Variants in NAALADL2 observed in about 807,000 individuals in gnomAD.
NAALADL2 encodes N-acetylated alpha-linked acidic dipeptidase like 2.
NAALADL2 carries 76 observed loss-of-function variants against 87.2 expected under a neutral mutation model. The observed-to-expected ratio is 0.87, with a 90% CI of 0.72 to 1.05. NAALADL2 has a LOEUF of 1.05. NAALADL2 is among the 50% of genes least tolerant of loss of function. The pLI is 0.00. For missense variants in NAALADL2, 1,089 were observed against 945.8 expected (o/e 1.15, Z -1.99); for synonymous variants, 354 against 331.0 (o/e 1.07, Z -0.75).
intron 1 of NAALADL2, among the ~76,000 whole-genome samples, chr3:174,538,417 A>T (rs769299066): frequency 3.3e-5 from 5 of 152,160 alleles, no homozygotes; most frequent in Non-Finnish European, 7.3e-5. Flanking sequence ...CGAGACTGAC[A>T]ATGCAGACTC....
intron 11 of NAALADL2, chr3:175,655,423 G>T: frequency 3.2e-6 from 1 of 315,080 alleles, no homozygotes; most frequent in South Asian, 2.5e-5. Context: ...TATTTAGCTG[G>T]AGTTTGCCAA....
rs567848618 is a variant in NAALADL2, at chr3:175,641,762, G to C, written c.1896+14376G>C. ...TCAGGCTAAAATTTTCCTACTTACAGCTATTTTGTAGATTATTAAAAATTA... is the reference window on the plus strand; with the variant it reads ...TCAGGCTAAAATTTTCCTACTTACACCTATTTTGTAGATTATTAAAAATTA... On this transcript the variant is annotated intron_variant, in intron 11 of 13. Coordinates refer to ENST00000454872, the MANE Select transcript of NAALADL2 (RefSeq NM_207015.3). 1.1e-4 allele frequency among the ~76,000 whole-genome samples: 17 copies of C among 152,146 alleles called. No homozygotes were observed. In the East Asian group the frequency reaches 1.9e-3, roughly 17 times the overall value.
intron 11 of NAALADL2, among the ~76,000 whole-genome samples, chr3:175,716,278 ATATT>A (rs1464306977): frequency 6.9e-6 from 1 of 144,698 alleles, no homozygotes; most frequent in Non-Finnish European, 1.5e-5. Flanking sequence ...TATATAATAT[ATATT>A]ATGTTATTAC....
chr3:175,279,136 T>G (rs1281072818), intron 4 of NAALADL2, among the ~76,000 whole-genome samples: 1 of 152,180 alleles, frequency 6.6e-6, no homozygotes, highest in African/African-American at 2.4e-5. Context: ...ATCACCAGAC[T>G]TACTCCCTAC....
chr3:174,880,193 A>G (rs1376607781), intron 1 of NAALADL2, among the ~76,000 whole-genome samples: 4 of 152,032 alleles, frequency 2.6e-5, no homozygotes, highest in African/African-American at 9.7e-5. Context: ...CCTATGGCCA[A>G]TTATGTACTC....
chr3:175,799,486 GAT>G (rs1234896268), intron 13 of NAALADL2, among the ~76,000 whole-genome samples: 1 of 151,910 alleles, frequency 6.6e-6, no homozygotes, highest in Non-Finnish European at 1.5e-5. Flanking sequence ...AAATATGTTT[GAT>G]ATGTATCCTG....
chr3:174,660,044 T>G (rs1000184607), intron 2 of NAALADL2, among the ~76,000 whole-genome samples: 2 of 152,218 alleles, frequency 1.3e-5, no homozygotes, highest in Non-Finnish European at 2.9e-5. Flanking sequence ...TAAACACTTT[T>G]ATTTTTAAAA....
intron 2 of NAALADL2, among the ~76,000 whole-genome samples, chr3:175,147,942 C>T (rs1224452683): frequency 6.6e-6 from 1 of 151,752 alleles, no homozygotes; most frequent in Non-Finnish European, 1.5e-5. Flanking sequence ...TAGTGATGGA[C>T]GCCTGTAATC....
chr3:174,901,245 A>G (rs759721242), intron 1 of NAALADL2, among the ~76,000 whole-genome samples: 1 of 152,188 alleles, frequency 6.6e-6, no homozygotes, highest in African/African-American at 2.4e-5. Context: ...CAAGGAATGT[A>G]GTTTTAGCTG....
At chr3:175,040,413 G>T (rs535072540) in intron 1 of NAALADL2, among the ~76,000 whole-genome samples, 1 of 152,172 alleles carries the variant, frequency 6.6e-6, no homozygotes, top group Non-Finnish European at 1.5e-5. Flanking sequence ...AAGAGGACTG[G>T]ACCTGCAATT....
intron 2 of NAALADL2, among the ~76,000 whole-genome samples, chr3:174,641,151 C>T (rs998570012): frequency 7.2e-5 from 11 of 152,120 alleles, no homozygotes; most frequent in Non-Finnish European, 1.5e-4. Flanking sequence ...AGAGCCGCCC[C>T]CTCCTGCTGC....
chr3:175,370,230 C>T (rs1766283181), intron 5 of NAALADL2, among the ~76,000 whole-genome samples: 1 of 151,980 alleles, frequency 6.6e-6, no homozygotes, highest in African/African-American at 2.4e-5. Flanking sequence ...GGTTGCTATC[C>T]AGGAGAGCAA....
intron 9 of NAALADL2, among the ~76,000 whole-genome samples, chr3:175,562,953 G>T (rs1373596842): frequency 6.7e-6 from 1 of 149,832 alleles, no homozygotes; most frequent in Non-Finnish European, 1.5e-5. Context: ...ATATAGGAGG[G>T]GTGTGTGTGT....
At chr3:175,468,403 T>G (rs7433056) in intron 8 of NAALADL2, among the ~76,000 whole-genome samples, 88,921 of 151,778 alleles carry the variant, frequency 0.59, 26,804 homozygotes, top group East Asian at 0.7. Flanking sequence ...TGAACCAACC[T>G]CTCAAACTCA....
chr3:175,537,814 A>G (rs931722888), intron 9 of NAALADL2, among the ~76,000 whole-genome samples: 2 of 152,216 alleles, frequency 1.3e-5, no homozygotes, highest in African/African-American at 4.8e-5. Context: ...TTGAAGAAAT[A>G]TGCCTAGCAT....
chr3:175,223,480 G>A (rs1484052134), intron 2 of NAALADL2, among the ~76,000 whole-genome samples: 1 of 151,794 alleles, frequency 6.6e-6, no homozygotes, highest in Non-Finnish European at 1.5e-5. Flanking sequence ...TTTGATGGCT[G>A]AATGAGAGAG....
chr3:174,552,486 T>C (rs1376374701), intron 2 of NAALADL2, among the ~76,000 whole-genome samples: 1 of 152,150 alleles, frequency 6.6e-6, no homozygotes, highest in African/African-American at 2.4e-5. Context: ...CAGGTATTAA[T>C]TTAGTTTTTA....
chr3:175,216,675 T>TTTC (rs1208957988), intron 2 of NAALADL2, among the ~76,000 whole-genome samples: 2 of 144,980 alleles, frequency 1.4e-5, no homozygotes, highest in African/African-American at 5.1e-5. Context: ...TTTCTTTTTT[T>TTTC]TTTTTTTTTT....
rs111442281 is a variant in NAALADL2 at position 175,014,504 on chromosome 3, T to C, written c.44-82286T>C. 7.1e-3 allele frequency among the ~76,000 whole-genome samples: 1,083 copies of C among 152,268 alleles called. 20 individuals carry two copies. The highest frequency in any genetic ancestry group is 0.024 in the African/African-American group (1,012 of 41,564). On this transcript the variant is annotated intron_variant, in intron 1 of 13. Transcript: ENST00000454872. ...TGTTCCATAATGTATTCCCAGTACA[T>C]AGAACAAAAGTTTGTCATAAAATAT...
Sources: gnomAD v4.1 joint callset for allele counts (sites outside exome capture counted in the v4.1 genomes callset) on GRCh38, gnomAD v4.1.1 for gene constraint, MANE v1.5 for transcripts, NCBI Gene and HGNC (gene_info 2026-07-23, HGNC 2026-07-21) for gene names.